CDIN1: variants seen among roughly 807,000 people sequenced by gnomAD.
CDIN1 encodes CDAN1-interacting nuclease 1.
A neutral mutation model predicts 45.3 loss-of-function variants in CDIN1; 33 were observed. The ratio of observed to expected loss-of-function variants is 0.73; its 90% CI spans 0.55 to 0.97. The LOEUF is 0.97. Ranked by LOEUF, CDIN1 falls within the 50% of genes least tolerant of loss-of-function variation. The pLI is 0.00. For missense variants in CDIN1, 303 were observed against 339.4 expected, an observed-to-expected ratio of 0.89 and a Z score of 0.84; for synonymous variants, 118 against 124.4, an observed-to-expected ratio of 0.95 and a Z score of 0.34.
intron 1 of CDIN1, among the ~76,000 whole-genome samples, chr15:36,582,964 A>G (rs970068501): frequency 6.6e-6 from 1 of 152,148 alleles, no homozygotes; most frequent in Non-Finnish European, 1.5e-5. Context: ...CCTGTTTGGT[A>G]TCCTTTGCCT....
intron 10 of CDIN1, among the ~76,000 whole-genome samples, chr15:36,770,343 C>A (rs1321312590): frequency 6.6e-6 from 1 of 150,672 alleles, no homozygotes; most frequent in African/African-American, 2.4e-5. Flanking sequence ...AGGGAGAATA[C>A]AAAGGAAGGA....
chr15:36,654,195 G>A, intron 4 of CDIN1, 37 bp downstream of exon 4: 1 of 1,497,366 alleles, frequency 6.7e-7, no homozygotes, highest in Non-Finnish European at 9.1e-7. Context: ...AAACCTGCGT[G>A]TAACCTAAGG....
At chr15:36,796,700 C>T (rs1322507370) in intron 10 of CDIN1, among the ~76,000 whole-genome samples, 1 of 152,218 alleles carries the variant, frequency 6.6e-6, no homozygotes, top group Non-Finnish European at 1.5e-5. Flanking sequence ...CGGGAACCAT[C>T]CTCTGGAGCT....
At chr15:36,804,307 A>C (rs2055150556) in intron 10 of CDIN1, among the ~76,000 whole-genome samples, 1 of 152,070 alleles carries the variant, frequency 6.6e-6, no homozygotes, top group South Asian at 2.1e-4. Context: ...TAGTGTGCTC[A>C]CTCTGGTCAT....
chr15:36,589,121 A>G (rs944065771), intron 1 of CDIN1, among the ~76,000 whole-genome samples: 6 of 152,178 alleles, frequency 3.9e-5, no homozygotes, highest in Non-Finnish European at 8.8e-5. Flanking sequence ...GTTTAATAAT[A>G]TTTTATTATT....
intron 7 of CDIN1, chr15:36,696,540 A>T (rs1267249722): frequency 6.6e-6 from 1 of 152,256 alleles, no homozygotes; most frequent in African/African-American, 2.4e-5. Flanking sequence ...TTAAGTGCTT[A>T]ATAAATGTAT....
chr15:36,601,638 A>T (rs746754147), intron 1 of CDIN1, among the ~76,000 whole-genome samples: 2 of 152,192 alleles, frequency 1.3e-5, no homozygotes, highest in Non-Finnish European at 2.9e-5. Flanking sequence ...CAAATATGGC[A>T]GTTTCCAAAG....
chr15:36,696,302 A>G (rs2042422752), intron 7 of CDIN1: 2 of 152,208 alleles, frequency 1.3e-5, no homozygotes, highest in South Asian at 4.1e-4. Flanking sequence ...ACCCTAATCC[A>G]CAACTCTTTA....
In CDIN1 at chr15:36,746,671, A is replaced by ACG. The variant is rs10627988; in HGVS notation, c.716+36711_716+36712insGC. Among the ~76,000 whole-genome samples the ACG allele has an allele frequency of 0.09, 7,728 of 85,918 alleles. 695 individuals are homozygous for ACG. The highest frequency in any genetic ancestry group is 0.25 in the African/African-American group (7,350 of 28,940). 56.4% of individuals were successfully genotyped at this position (85,918 alleles called of 152,430 possible). ...ATATCATATATAAATATATGGTTCC[A>ACG]CACACACACACACACACACACACAC... On this transcript the variant is annotated intron_variant, in intron 10 of 10. Transcript: ENST00000566621.
intron 8 of CDIN1, chr15:36,706,538 A>C (rs2042871437): frequency 6.6e-6 from 1 of 151,992 alleles, no homozygotes; most frequent in Non-Finnish European, 1.5e-5. Context: ...ACTTGAACCC[A>C]AGAGACGAAG....
At chr15:36,618,271 G>A in intron 1 of CDIN1, 1 of 664,916 alleles carries the variant, frequency 1.5e-6, no homozygotes, top group South Asian at 1.8e-5. Flanking sequence ...TGTATCATTG[G>A]GGGATGGACA....
intron 1 of CDIN1, among the ~76,000 whole-genome samples, chr15:36,621,867 G>T (rs1438437876): frequency 8.7e-6 from 1 of 114,352 alleles, no homozygotes; most frequent in African/African-American, 3.8e-5. Flanking sequence ...CTGACAACAA[G>T]TTCAGTTTTT....
intron 10 of CDIN1, among the ~76,000 whole-genome samples, chr15:36,727,708 G>A (rs2043687922): frequency 6.6e-6 from 1 of 152,084 alleles, no homozygotes; most frequent in Non-Finnish European, 1.5e-5. Context: ...TCATAAAAGG[G>A]CCAAAAGGTG....
chr15:36,690,355 G>A (rs916231222), intron 5 of CDIN1, among the ~76,000 whole-genome samples: 3 of 150,692 alleles, frequency 2.0e-5, no homozygotes, highest in Admixed American at 6.6e-5. Flanking sequence ...TGCAACCTCC[G>A]CCTCCCGGGT....
chr15:36,682,224 G>C (rs765133195), intron 5 of CDIN1, among the ~76,000 whole-genome samples: 2 of 152,134 alleles, frequency 1.3e-5, no homozygotes, highest in Non-Finnish European at 2.9e-5. Context: ...AGAGCCAGTG[G>C]TTGTAGTTCC....
intron 1 of CDIN1, chr15:36,627,225 G>T: frequency 5.7e-6 from 1 of 174,144 alleles, no homozygotes; most frequent in South Asian, 1.6e-4. Flanking sequence ...CCTGGGTAGT[G>T]ACCTTGCAAT....
intron 10 of CDIN1, among the ~76,000 whole-genome samples, chr15:36,757,745 G>T (rs891617294): frequency 6.6e-6 from 1 of 152,088 alleles, no homozygotes; most frequent in East Asian, 1.9e-4. Context: ...ATCTGAAGCA[G>T]ATGATCCTCC....
At chr15:36,597,350 T>C (rs2037884811) in intron 1 of CDIN1, among the ~76,000 whole-genome samples, 1 of 152,186 alleles carries the variant, frequency 6.6e-6, no homozygotes, top group Admixed American at 6.5e-5. Context: ...CTCAGTGACC[T>C]CTTACTGAAT....
chr15:36,650,689 C>T (rs771684968), intron 3 of CDIN1, among the ~76,000 whole-genome samples: 20 of 152,056 alleles, frequency 1.3e-4, no homozygotes, highest in Admixed American at 6.6e-4. Context: ...ATGATCCACC[C>T]GCCTTGGCCT....
Sources: allele counts gnomAD v4.1 joint callset (sites outside exome capture counted in the v4.1 genomes callset), GRCh38; gene constraint gnomAD v4.1.1; transcripts MANE v1.5; gene names NCBI Gene and HGNC (gene_info 2026-07-23, HGNC 2026-07-21).